PRICKLE1: variants seen among roughly 807,000 people sequenced by gnomAD.
The protein encoded by PRICKLE1 is prickle planar cell polarity protein 1.
PRICKLE1 carries 14 observed loss-of-function variants against 70.2 expected under a neutral mutation model. That is an observed-to-expected ratio of 0.20 (90% CI 0.13 to 0.31). The LOEUF is 0.31. PRICKLE1 is among the 10% of genes least tolerant of loss of function. The pLI is 1.00. For synonymous variants in PRICKLE1, 357 were observed against 379.9 expected, an observed-to-expected ratio of 0.94 and a Z score of 0.70; for missense variants, 821 against 1,026.2, an observed-to-expected ratio of 0.80 and a Z score of 2.73.
chr12:42,468,385 C>T (rs1166413914), intron 5 of PRICKLE1, among the ~76,000 whole-genome samples: 3 of 152,150 alleles, frequency 2.0e-5, no homozygotes, highest in Non-Finnish European at 2.9e-5. Flanking sequence ...CATCTGCTTC[C>T]CTTTCTATCA....
intron 1 of PRICKLE1, among the ~76,000 whole-genome samples, chr12:42,562,047 G>C (rs1478269243): frequency 6.6e-6 from 1 of 151,866 alleles, no homozygotes; most frequent in African/African-American, 2.4e-5. Context: ...GAGTAGCTGG[G>C]ATTAGAGGCA....
At position 42,552,879 on chromosome 12, in the gene PRICKLE1, A is replaced by T. The variant is rs373461660; in HGVS notation, c.-49+36586T>A. 2.0e-5 allele frequency among the ~76,000 whole-genome samples: 3 copies of T among 152,322 alleles called. 1 individual carries two copies. Among genetic ancestry groups the T allele is most frequent in the African/African-American group, 7.2e-5 (3 of 41,574 alleles). On this transcript the variant is annotated intron_variant, in intron 1 of 7. Transcript: ENST00000345127. Reference sequence around the variant, plus strand: ...AGTGGATGTTTTCATCAGGCAATAGATCCTCATAAGAAGCGCGCAATCTAG... The same window carrying T: ...AGTGGATGTTTTCATCAGGCAATAGTTCCTCATAAGAAGCGCGCAATCTAG...
At chr12:42,538,751 A>C (rs1387149789) in intron 1 of PRICKLE1, among the ~76,000 whole-genome samples, 1 of 152,196 alleles carries the variant, frequency 6.6e-6, no homozygotes. Flanking sequence ...CACATCCCTA[A>C]TTAGGGACCA....
chr12:42,575,627 G>A (rs538773928), intron 1 of PRICKLE1, among the ~76,000 whole-genome samples: 1 of 152,168 alleles, frequency 6.6e-6, no homozygotes, highest in South Asian at 2.1e-4. Context: ...CTGGGAGGTG[G>A]AGGTTGCAGT....
At position 42,530,167 on chromosome 12, in the gene PRICKLE1, C is replaced by T. The variant is rs955425879; in HGVS notation, c.-48-57603G>A. Among the ~76,000 whole-genome samples, 14 of 152,222 alleles carry T rather than the reference C, an allele frequency of 9.2e-5. No individual in the cohort carries two copies. The East Asian group carries it at 2.7e-3, about 30-fold the overall frequency. ...CCATGTTGGCCAGGTTGGTCTTGAA[C>T]TCCTGACCTCAAGTGATCCGCCTGC... On this transcript the variant is annotated intron_variant, in intron 1 of 7. Coordinates refer to ENST00000345127, the MANE Select transcript of PRICKLE1 (RefSeq NM_153026.3).
chr12:42,480,373 G>A (rs1298110828), intron 1 of PRICKLE1, among the ~76,000 whole-genome samples: 1 of 152,014 alleles, frequency 6.6e-6, no homozygotes, highest in Non-Finnish European at 1.5e-5. Flanking sequence ...GATTGCTTGA[G>A]CCCAGGAGTT....
intron 7 of PRICKLE1, 137 bp from the exon 8 acceptor site, chr12:42,460,802 C>T: frequency 1.1e-6 from 1 of 947,334 alleles, no homozygotes; most frequent in South Asian, 1.4e-5. Context: ...TAGGGAAAGC[C>T]AACATGTATC....
Position 42,460,308 on chromosome 12 carries a change from C to T in PRICKLE1, c.1997G>A (p.Arg666Lys), listed in dbSNP as rs370547490. 3 of 1,614,034 alleles carry T rather than the reference C, an allele frequency of 1.9e-6. No homozygotes were observed. The highest frequency in any genetic ancestry group is 1.3e-5 in the African/African-American group (1 of 74,896). The change falls in exon 8 of 8, where the codon AGG (arginine) becomes AAG (lysine). Residue 666 changes from arginine (R) to lysine (K), a missense_variant. Physicochemically the swap from Arg to Lys is conservative, Grantham distance 26. Transcript: ENST00000345127. Reference sequence around the variant, plus strand: ...GCGGTGGTGATGAGACCTGGATCCCCTCTCTTCAAAATTGTAGACGCGTCT... The same window carrying T: ...GCGGTGGTGATGAGACCTGGATCCCTTCTCTTCAAAATTGTAGACGCGTCT... ...TRRRVYNFEE[R>K]GSRSHHHRRR...
intron 1 of PRICKLE1, among the ~76,000 whole-genome samples, chr12:42,560,249 T>C (rs1475749465): frequency 2.6e-5 from 4 of 152,062 alleles, no homozygotes; most frequent in African/African-American, 7.2e-5. Context: ...CAATTTCTCC[T>C]GTCTCAGCCT....
At chr12:42,554,686 C>T (rs1256049007) in intron 1 of PRICKLE1, among the ~76,000 whole-genome samples, 1 of 152,166 alleles carries the variant, frequency 6.6e-6, no homozygotes, top group Non-Finnish European at 1.5e-5. Flanking sequence ...GGACTTTTAA[C>T]CAAACCCAAG....
At chr12:42,542,174 G>C (rs1163938084) in intron 1 of PRICKLE1, among the ~76,000 whole-genome samples, 1 of 152,052 alleles carries the variant, frequency 6.6e-6, no homozygotes, top group East Asian at 1.9e-4. Flanking sequence ...AGCTAAGGGG[G>C]CAGAAATGCC....
intron 1 of PRICKLE1, among the ~76,000 whole-genome samples, chr12:42,488,413 C>A (rs34290145): frequency 6.6e-6 from 1 of 152,068 alleles, no homozygotes; most frequent in Non-Finnish European, 1.5e-5. Context: ...CTTTGCCCAC[C>A]CTAACCCTTA....
At chr12:42,483,979 C>G (rs1938911835) in intron 1 of PRICKLE1, 1 of 129,740 alleles carries the variant, frequency 7.7e-6, no homozygotes, top group Non-Finnish European at 1.6e-5. Flanking sequence ...CGCCTGGGGC[C>G]GGCGATCTTC....
chr12:42,554,325 T>C (rs12312958), intron 1 of PRICKLE1, among the ~76,000 whole-genome samples: 39,616 of 152,014 alleles, frequency 0.26, 7,531 homozygotes, highest in African/African-American at 0.54. Context: ...GTAAAGGAAA[T>C]AGAAAATACA....
intron 1 of PRICKLE1, among the ~76,000 whole-genome samples, chr12:42,481,253 A>G (rs1342520568): frequency 1.3e-5 from 2 of 152,214 alleles, no homozygotes; most frequent in African/African-American, 4.8e-5. Context: ...GAACCAAGTC[A>G]CCAAATCAAA....
At chr12:42,474,197 G>A (rs1264062862) in intron 1 of PRICKLE1, among the ~76,000 whole-genome samples, 8 of 152,160 alleles carry the variant, frequency 5.3e-5, no homozygotes, top group Admixed American at 2.0e-4. Flanking sequence ...GCTTGAAACC[G>A]GGAGGCGGAG....
intron 1 of PRICKLE1, among the ~76,000 whole-genome samples, chr12:42,516,652 C>T (rs1314228758): frequency 1.3e-5 from 2 of 152,122 alleles, no homozygotes; most frequent in Non-Finnish European, 2.9e-5. Context: ...TAGTGAGATA[C>T]TAAAAAGCTA....
intron 1 of PRICKLE1, among the ~76,000 whole-genome samples, chr12:42,545,713 G>A (rs1940195382): frequency 6.6e-6 from 1 of 152,118 alleles, no homozygotes; most frequent in African/African-American, 2.4e-5. Flanking sequence ...AGCTGGGCAT[G>A]GTGGCATGTG....
chr12:42,529,859 C>T (rs2120536300), intron 1 of PRICKLE1, among the ~76,000 whole-genome samples: 1 of 152,226 alleles, frequency 6.6e-6, no homozygotes, highest in South Asian at 2.1e-4. Flanking sequence ...TCACTATATT[C>T]CAGCCTGGAC....
Sources: gnomAD v4.1 joint callset for allele counts (sites outside exome capture counted in the v4.1 genomes callset) on GRCh38, gnomAD v4.1.1 for gene constraint, MANE v1.5 for transcripts, NCBI Gene and HGNC (gene_info 2026-07-23, HGNC 2026-07-21) for gene names.